PKD1L1: variants seen among roughly 807,000 people sequenced by gnomAD.
PKD1L1 encodes polycystin 1 like 1, transient receptor potential channel interacting.
PKD1L1 carries 236 observed loss-of-function variants against 323.4 expected under a neutral mutation model. The observed-to-expected ratio is 0.73, with a 90% CI of 0.66 to 0.81. PKD1L1 has a LOEUF of 0.81. Among genes scored for constraint, PKD1L1 ranks in the 40% least tolerant of loss-of-function variants. The pLI is 0.00. For missense variants in PKD1L1, 3,320 were observed against 3,508.0 expected (o/e 0.95, Z 1.35); for synonymous variants, 1,344 against 1,335.0 (o/e 1.01, Z -0.15).
intron 31 of PKD1L1, among the ~76,000 whole-genome samples, chr7:47,849,324 C>T (rs191739411): frequency 3.3e-5 from 5 of 152,164 alleles, no homozygotes; most frequent in South Asian, 2.1e-4. Context: ...AAAGCAAATG[C>T]AATGAAAACA....
intron 21 of PKD1L1, 84 bp from the exon 22 acceptor site, chr7:47,877,715 T>C (rs950128944): frequency 2.9e-5 from 42 of 1,467,818 alleles, no homozygotes; most frequent in Admixed American, 4.6e-5. Context: ...ATAAACCTTA[T>C]AGCAGGGGTT....
intron 34 of PKD1L1, among the ~76,000 whole-genome samples, chr7:47,842,532 G>A (rs893464209): frequency 6.6e-6 from 1 of 152,092 alleles, no homozygotes; most frequent in African/African-American, 2.4e-5. Flanking sequence ...CGGCACCCCT[G>A]CTCCACTGGG....
chr7:47,807,703 T>G (rs1784809888), intron 52 of PKD1L1, among the ~76,000 whole-genome samples: 1 of 152,002 alleles, frequency 6.6e-6, no homozygotes, highest in African/African-American at 2.4e-5. Context: ...CTGTGCACAT[T>G]TGCCTGGTCC....
chr7:47,930,683 C>T (rs923126778), intron 6 of PKD1L1, among the ~76,000 whole-genome samples: 1 of 151,890 alleles, frequency 6.6e-6, no homozygotes, highest in Non-Finnish European at 1.5e-5. Context: ...AGTGTGATGG[C>T]GCATGCCTGT....
chr7:47,920,815 G>A (rs1282135197), intron 7 of PKD1L1, among the ~76,000 whole-genome samples: 7 of 152,168 alleles, frequency 4.6e-5, no homozygotes, highest in Non-Finnish European at 1.0e-4. Flanking sequence ...TCAACAAATG[G>A]TGCTGGGATA....
At chr7:47,804,838 C>T (rs554505197) in intron 52 of PKD1L1, among the ~76,000 whole-genome samples, 3 of 152,200 alleles carry the variant, frequency 2.0e-5, no homozygotes, top group Non-Finnish European at 4.4e-5. Flanking sequence ...TTTACACTCA[C>T]AGCACATCTC....
intron 17 of PKD1L1, among the ~76,000 whole-genome samples, chr7:47,886,298 C>T (rs947343882): frequency 7.9e-5 from 12 of 151,526 alleles, no homozygotes; most frequent in Non-Finnish European, 1.0e-4. Flanking sequence ...TTGCACCTGA[C>T]GTTTGCTCTT....
At chr7:47,864,584 CT>C (rs1786109156) in intron 26 of PKD1L1, among the ~76,000 whole-genome samples, 2 of 75,552 alleles carry the variant, frequency 2.6e-5, no homozygotes, top group Non-Finnish European at 5.0e-5. Context: ...TCTTTTCTTT[CT>C]TTCTTTCTTT....
intron 9 of PKD1L1, 55 bp downstream of exon 9, chr7:47,908,022 C>T: frequency 6.5e-7 from 1 of 1,544,940 alleles, no homozygotes; most frequent in South Asian, 1.2e-5. Context: ...GCGGAGATAC[C>T]CTGCTTCATT....
intron 52 of PKD1L1, among the ~76,000 whole-genome samples, chr7:47,804,886 T>C (rs1312696857): frequency 6.6e-6 from 1 of 152,210 alleles, no homozygotes; most frequent in Non-Finnish European, 1.5e-5. Context: ...TCAATAGCCA[T>C]GTGTGGCTAG....
chr7:47,830,167 G>C (rs753168755), intron 42 of PKD1L1, 43 bp from the exon 43 acceptor site: 5 of 1,531,292 alleles, frequency 3.3e-6, no homozygotes, highest in Non-Finnish European at 4.5e-6. Flanking sequence ...CTCTAAGGGA[G>C]CAGGCCACCC....
chr7:47,807,839 T>C (rs1285363042), intron 52 of PKD1L1, among the ~76,000 whole-genome samples: 1 of 152,164 alleles, frequency 6.6e-6, no homozygotes, highest in African/African-American at 2.4e-5. Flanking sequence ...TCTGTGAGCT[T>C]TGGTGTCTTC....
intron 8 of PKD1L1, 110 bp from the exon 9 acceptor site, chr7:47,908,360 G>C: frequency 9.7e-7 from 1 of 1,027,446 alleles, no homozygotes; most frequent in Non-Finnish European, 1.4e-6. Context: ...ACTGATACAG[G>C]AGAGGTGATC....
At chr7:47,795,812 A>G (rs1045398860) in intron 55 of PKD1L1, among the ~76,000 whole-genome samples, 177 bp downstream of exon 55, 4 of 152,200 alleles carry the variant, frequency 2.6e-5, no homozygotes, top group African/African-American at 9.6e-5. Context: ...GTGTTTTAGA[A>G]TTGCACGGGA....
intron 31 of PKD1L1, among the ~76,000 whole-genome samples, chr7:47,847,846 T>C (rs1219030111): frequency 6.6e-6 from 1 of 152,106 alleles, no homozygotes; most frequent in African/African-American, 2.4e-5. Context: ...TGGTTCAAAA[T>C]CTAAGAGTCT....
Position 47,905,198 on chromosome 7 carries a change from T to C in PKD1L1, c.1650A>G (p.Thr550=), listed in dbSNP as rs1331583000. The change falls in exon 11 of 57, where the codon ACA becomes ACG. Residue 550 remains threonine (T), a synonymous_variant. Coordinates refer to ENST00000289672, the MANE Select transcript of PKD1L1 (RefSeq NM_138295.5). ...WYFGEDPPVR[T]TSRSIKKRLS... ...GTCTTTTTTTAATGCTTCTTGAAGT[T>C]GTCCTCACTGGTGGATCCTCTCCAA... 10 of 1,614,160 alleles carry C rather than the reference T, an allele frequency of 6.2e-6. No homozygotes were observed. The highest frequency in any genetic ancestry group is 2.7e-5 in the African/African-American group (2 of 75,038).
intron 54 of PKD1L1, 73 bp from the exon 55 acceptor site, chr7:47,796,223 A>G (rs1584948094): frequency 3.2e-6 from 4 of 1,240,302 alleles, no homozygotes; most frequent in Non-Finnish European, 4.5e-6. Context: ...AACGTGATAA[A>G]CTATGCAATG....
At chr7:47,795,795 CTG>C in intron 55 of PKD1L1, among the ~76,000 whole-genome samples, 192 bp downstream of exon 55, 1 of 152,176 alleles carries the variant, frequency 6.6e-6, no homozygotes, top group Admixed American at 6.5e-5. Context: ...GCTTGGTAAT[CTG>C]TAAAGTGTTT....
chr7:47,775,474 A>G lies in PKD1L1; in HGVS notation c.8527-308T>C, dbSNP rs145663669. 1.2e-3 allele frequency among the ~76,000 whole-genome samples: 188 copies of G among 152,390 alleles called. 3 individuals are homozygous for G. The East Asian group carries it at 0.034, about 27-fold the overall frequency. On this transcript the variant is annotated intron_variant, in intron 56 of 56. Coordinates refer to ENST00000289672, the MANE Select transcript of PKD1L1 (RefSeq NM_138295.5). The stretch of plus-strand genomic sequence containing the variant: ...CAGAATAAAATTAGAAATCAGCTAC[A>G]TAAGGACATCAGGAAAATCTCAAAA...
Sources: allele counts gnomAD v4.1 joint callset (sites outside exome capture counted in the v4.1 genomes callset), GRCh38; gene constraint gnomAD v4.1.1; transcripts MANE v1.5; gene names NCBI Gene and HGNC (gene_info 2026-07-23, HGNC 2026-07-21).